Variants in MAGED1 observed in about 807,000 individuals in gnomAD.
The protein encoded by MAGED1 is melanoma-associated antigen D1.
MAGED1 carries 3 observed loss-of-function variants against 54.1 expected under a neutral mutation model. The ratio of observed to expected loss-of-function variants is 0.06; its 90% CI spans 0.03 to 0.14. The LOEUF (loss-of-function observed/expected upper bound fraction) is 0.14. MAGED1 is among the 10% of genes least tolerant of loss of function. The pLI, the probability that MAGED1 is intolerant of heterozygous loss-of-function variation, is 1.00. For synonymous variants in MAGED1, 217 were observed against 227.3 expected, an observed-to-expected ratio of 0.95 and a Z score of 0.41; for missense variants, 485 against 623.4, an observed-to-expected ratio of 0.78 and a Z score of 2.36.
At chrX:51,863,804 T>C (rs1282967664) in intron 1 of MAGED1, among the ~76,000 whole-genome samples, 2 of 111,908 alleles carry the variant, frequency 1.8e-5, no homozygotes, top group Admixed American at 1.9e-4. Context: ...TCAGGTCCTT[T>C]GCCCATTTTT....
chrX:51,866,680 A>G (rs1927470178), intron 1 of MAGED1, among the ~76,000 whole-genome samples: 1 of 112,339 alleles, frequency 8.9e-6, no homozygotes, highest in Non-Finnish European at 1.9e-5. Flanking sequence ...AGCATTCTAT[A>G]AGACTAAATT....
intron 1 of MAGED1, among the ~76,000 whole-genome samples, chrX:51,821,040 G>A (rs1557356497): frequency 1.8e-5 from 2 of 111,030 alleles, no homozygotes; most frequent in African/African-American, 6.6e-5. Flanking sequence ...TTTGTGCCTG[G>A]CTTATTTCGC....
intron 1 of MAGED1, among the ~76,000 whole-genome samples, chrX:51,855,544 G>A (rs1007006974): frequency 1.8e-5 from 2 of 111,377 alleles, no homozygotes; most frequent in African/African-American, 3.3e-5. Flanking sequence ...GTAGATGGCC[G>A]TCTTCTCCTT....
At chrX:51,902,040 T>G (rs1275266757) in intron 12 of MAGED1, 102 bp downstream of exon 12, 13 of 854,897 alleles carry the variant, frequency 1.5e-5, no homozygotes, top group Non-Finnish European at 2.1e-5. Context: ...GGAAACTCAT[T>G]GTAGGGAGAT....
At chrX:51,851,898 G>A (rs1407056113) in intron 1 of MAGED1, among the ~76,000 whole-genome samples, 1 of 111,790 alleles carries the variant, frequency 8.9e-6, no homozygotes, top group African/African-American at 3.2e-5. Context: ...AGATAAGGGG[G>A]TACTGCTGTA....
intron 1 of MAGED1, among the ~76,000 whole-genome samples, chrX:51,816,117 CTTT>C (rs1280688562): frequency 1.0e-5 from 1 of 99,708 alleles, no homozygotes; most frequent in African/African-American, 3.6e-5. Context: ...CATATTTTGT[CTTT>C]TTTTTTTTTT....
rs1490184978 is a variant in MAGED1, at chrX:51,894,321, A to G, written c.17A>G (p.Asp6Gly). 1 of 1,199,994 alleles carries G rather than the reference A, an allele frequency of 8.3e-7. No individual in the cohort carries two copies. The highest frequency in any genetic ancestry group is 1.8e-5 in the African/African-American group (1 of 55,987). The change falls in exon 2 of 13, where the codon GAC becomes GGC. Residue 6 changes from aspartate (D) to glycine (G), a missense_variant. Coordinates refer to ENST00000326587, the MANE Select transcript of MAGED1 (RefSeq NM_006986.4). MAQKM[D>G]CGAGLLGFQA... The stretch of plus-strand genomic sequence containing the variant: ...ACAGGAGCCATGGCTCAGAAAATGG[A>G]CTGTGGTGCGGGCCTCCTCGGCTTC...
intron 1 of MAGED1, among the ~76,000 whole-genome samples, chrX:51,877,658 G>A (rs1927920128): frequency 9.0e-6 from 1 of 110,570 alleles, no homozygotes; most frequent in Non-Finnish European, 1.9e-5. Flanking sequence ...TCATATGATG[G>A]GATATTACAC....
At chrX:51,855,757 C>G (rs1206011599) in intron 1 of MAGED1, among the ~76,000 whole-genome samples, 3 of 111,235 alleles carry the variant, frequency 2.7e-5, no homozygotes, top group African/African-American at 9.8e-5. Flanking sequence ...AACTCCTGAC[C>G]TCAAATGATC....
intron 1 of MAGED1, among the ~76,000 whole-genome samples, chrX:51,825,676 A>C (rs1925829660): frequency 9.0e-6 from 1 of 111,455 alleles, no homozygotes; most frequent in Non-Finnish European, 1.9e-5. Context: ...ATTAGCCTTC[A>C]CTTCCTGATT....
At chrX:51,868,668 AGT>A (rs1557361266) in intron 1 of MAGED1, among the ~76,000 whole-genome samples, 2 of 111,661 alleles carry the variant, frequency 1.8e-5, no homozygotes, top group Non-Finnish European at 3.8e-5. Flanking sequence ...TGTGTGAGAA[AGT>A]GGGGAGGGAG....
intron 1 of MAGED1, among the ~76,000 whole-genome samples, chrX:51,888,308 A>G (rs1374963361): frequency 8.9e-6 from 1 of 111,910 alleles, no homozygotes; most frequent in Non-Finnish European, 1.9e-5. Context: ...TAATTAAAAA[A>G]TAGGTAAAAG....
chrX:51,826,182 G>T (rs1925845523), intron 1 of MAGED1, among the ~76,000 whole-genome samples: 1 of 112,326 alleles, frequency 8.9e-6, no homozygotes, highest in Admixed American at 9.4e-5. Context: ...GACTTTAGGT[G>T]ATTGGCTTTG....
At chrX:51,839,028 G>A (rs1926358334) in intron 1 of MAGED1, among the ~76,000 whole-genome samples, 1 of 111,230 alleles carries the variant, frequency 9.0e-6, no homozygotes, top group African/African-American at 3.3e-5. Flanking sequence ...TAGAGTATAA[G>A]TGGCTTAAGA....
At chrX:51,826,562 A>G (rs1166486993) in intron 1 of MAGED1, among the ~76,000 whole-genome samples, 1 of 112,043 alleles carries the variant, frequency 8.9e-6, no homozygotes, top group East Asian at 2.8e-4. Context: ...CTGATTAAAA[A>G]ATAGGCAAAA....
At chrX:51,815,835 T>C (rs1396337733) in intron 1 of MAGED1, among the ~76,000 whole-genome samples, 1 of 111,908 alleles carries the variant, frequency 8.9e-6, no homozygotes, top group East Asian at 2.8e-4. Flanking sequence ...GTTTGTGTTT[T>C]AAAAGCTAAA....
chrX:51,869,910 C>T (rs1200867779), intron 1 of MAGED1, among the ~76,000 whole-genome samples: 1 of 111,007 alleles, frequency 9.0e-6, no homozygotes, highest in African/African-American at 3.3e-5. Flanking sequence ...CTTGCCCTGG[C>T]GCCCAGGCTG....
chrX:51,845,154 C>T (rs782207015), intron 1 of MAGED1, among the ~76,000 whole-genome samples: 5 of 111,347 alleles, frequency 4.5e-5, no homozygotes, highest in Middle Eastern at 4.6e-3. Flanking sequence ...ATCGCTTGAA[C>T]GCAGGAGAAT....
rs201229700 is a variant in MAGED1 at position 51,901,585 on chromosome X, A to T, written c.1992A>T (p.Ala664=). The part of the protein sequence containing the change: ...VQKRDPRDWT[A]QFMEAADEAL... Reference sequence around the variant, plus strand: ...AAAGAGACCCTCGTGACTGGACTGCACAGTTCATGGAGGCTGCAGATGAGG... The same window carrying T: ...AAAGAGACCCTCGTGACTGGACTGCTCAGTTCATGGAGGCTGCAGATGAGG... Residue 664 remains alanine, a synonymous_variant, in exon 12 of 13, where the codon GCA becomes GCT. Coordinates refer to ENST00000326587, the MANE Select transcript of MAGED1 (RefSeq NM_006986.4). 1.0e-5 allele frequency: 12 copies of T among 1,193,471 alleles called. No individual in the cohort carries two copies. The highest frequency in any genetic ancestry group is 1.4e-5 in the Non-Finnish European group (12 of 885,437).
Sources: allele counts gnomAD v4.1 joint callset (sites outside exome capture counted in the v4.1 genomes callset), GRCh38; gene constraint gnomAD v4.1.1; transcripts MANE v1.5; gene names NCBI Gene and HGNC (gene_info 2026-07-23, HGNC 2026-07-21).